Variants in ST6GAL2 observed in about 807,000 individuals in gnomAD.
ST6GAL2 encodes the protein ST6 beta-galactoside alpha-2,6-sialyltransferase 2, also known as beta-galactoside alpha-2,6-sialyltransferase 2.
In ST6GAL2, 24 loss-of-function variants were observed where a neutral mutation model predicts 37.5. That is an observed-to-expected ratio of 0.64 (90% CI 0.46 to 0.90). The LOEUF is 0.90. Among genes scored for constraint, ST6GAL2 ranks in the 40% least tolerant of loss-of-function variants. The pLI is 0.00. For synonymous variants in ST6GAL2, 306 were observed against 295.1 expected (o/e 1.04, Z -0.38); for missense variants, 715 against 712.7 (o/e 1.00, Z -0.04).
Position 106,834,220 on chromosome 2 carries a change from A to C in ST6GAL2, c.944-74T>G, listed in dbSNP as rs567720654. ...ATAATCTAGGAAAAAATGTTAAAGC[A>C]AATCTTTCAATACCTGAAGCTAATT... is the stretch of plus-strand genomic sequence containing the variant. On this transcript the variant is annotated intron_variant, in intron 2 of 5. Transcript: ENST00000409382. The C allele has an allele frequency of 2.5e-5, 25 of 1,018,920 alleles. No individual in the cohort carries two copies. In the African/African-American group the frequency reaches 2.7e-4, roughly 11 times the overall value. 63.1% of individuals were successfully genotyped at this position (1,018,920 alleles called of 1,614,324 possible). A position where few individuals can be genotyped will look rare whatever the true frequency, so the allele number is the denominator to read the frequency against.
At chr2:106,844,963 T>C (rs1489082159) in intron 1 of ST6GAL2, among the ~76,000 whole-genome samples, 1 of 152,074 alleles carries the variant, frequency 6.6e-6, no homozygotes, top group African/African-American at 2.4e-5. Flanking sequence ...TAATAAGAAA[T>C]GCTCCTAACT....
intron 2 of ST6GAL2, among the ~76,000 whole-genome samples, chr2:106,836,177 C>T (rs908241549): frequency 6.6e-6 from 1 of 152,128 alleles, no homozygotes; most frequent in Non-Finnish European, 1.5e-5. Flanking sequence ...AGAAGACTGG[C>T]ACCGTTTTTA....
At chr2:106,873,460 C>A (rs182082949) in intron 1 of ST6GAL2, among the ~76,000 whole-genome samples, 1 of 152,308 alleles carries the variant, frequency 6.6e-6, no homozygotes, top group Admixed American at 6.5e-5. Context: ...CGTTCTGGAA[C>A]GGCCTTATTA....
At chr2:106,869,238 A>AG (rs1259057909) in intron 1 of ST6GAL2, among the ~76,000 whole-genome samples, 3 of 152,120 alleles carry the variant, frequency 2.0e-5, no homozygotes, top group Admixed American at 6.5e-5. Flanking sequence ...TTTGGAGGGG[A>AG]GGGGCACCTT....
At chr2:106,861,678 G>A (rs1328486813) in intron 1 of ST6GAL2, among the ~76,000 whole-genome samples, 2 of 150,770 alleles carry the variant, frequency 1.3e-5, no homozygotes, top group African/African-American at 2.4e-5. Flanking sequence ...CACCCAGGCT[G>A]GAGTGCAGTG....
rs1328758086 is a variant in ST6GAL2 at position 106,801,732 on chromosome 2, C to T, written c.*4946G>A. ...GTACAAACACTTTTAAAATGCGACT[C>T]CTGGAAAACTTCAAGCTTTAATTAG... On this transcript the variant is annotated 3_prime_UTR_variant, in exon 6 of 6. Transcript: ENST00000409382. 1 of 152,180 alleles carries T rather than the reference C, an allele frequency of 6.6e-6. No individual in the cohort carries two copies. The highest frequency in any genetic ancestry group is 1.5e-5 in the Non-Finnish European group (1 of 68,038). 9.4% of individuals were successfully genotyped at this position (152,180 alleles called of 1,614,324 possible). A position where few individuals can be genotyped will look rare whatever the true frequency, so the allele number is the denominator to read the frequency against.
intron 5 of ST6GAL2, chr2:106,813,179 C>A: frequency 7.5e-7 from 1 of 1,330,836 alleles, no homozygotes; most frequent in South Asian, 2.0e-5. Context: ...GTCGCGTGAT[C>A]TCGGCTCACT....
In ST6GAL2 at chr2:106,831,324, G is replaced by C. The variant is rs114927055; in HGVS notation, c.1144-1084C>G. 4.0e-3 allele frequency among the ~76,000 whole-genome samples: 611 copies of C among 152,320 alleles called. 6 individuals carry two copies. Among genetic ancestry groups the C allele is most frequent in the African/African-American group, 0.014 (585 of 41,574 alleles). ...TTACAGAAAGCGGCCTTGTCACTGG[G>C]ATTTTAGCACTGCTGGGTGGCCAGC... is the stretch of plus-strand genomic sequence containing the variant. On this transcript the variant is annotated intron_variant, in intron 4 of 5. Coordinates refer to ENST00000409382, the MANE Select transcript of ST6GAL2 (RefSeq NM_001142351.2).
intron 1 of ST6GAL2, among the ~76,000 whole-genome samples, chr2:106,859,341 A>G (rs762086623): frequency 3.3e-5 from 5 of 152,182 alleles, no homozygotes; most frequent in Non-Finnish European, 7.3e-5. Flanking sequence ...ATGCATAGTT[A>G]TAATTGTGCT....
rs1012402259 is a variant in ST6GAL2 at position 106,832,581 on chromosome 2, G to A, written c.1127C>T (p.Ser376Phe). 5.7e-6 allele frequency: 9 copies of A among 1,585,408 alleles called. No homozygotes were observed. In the Middle Eastern group the frequency reaches 6.7e-4, roughly 119 times the overall value. Residue 376 changes from serine to phenylalanine, a missense_variant, in exon 4 of 6, where the codon TCC (serine) becomes TTC (phenylalanine). Physicochemically the swap from Ser to Phe is radical, Grantham distance 155 (BLOSUM62 -2). Transcript: ENST00000409382. ...ILVAWDPAPY[S>F]ANLNLWYKKP... Reference sequence around the variant, plus strand: ...AACACTTACCAGGTTAAGATTTGCGGAATATGGGGCAGGGTCCCAGGCCAC... The same window carrying A: ...AACACTTACCAGGTTAAGATTTGCGAAATATGGGGCAGGGTCCCAGGCCAC...
At chr2:106,877,715 T>A (rs1360448101) in intron 1 of ST6GAL2, among the ~76,000 whole-genome samples, 1 of 152,244 alleles carries the variant, frequency 6.6e-6, no homozygotes, top group Non-Finnish European at 1.5e-5. Flanking sequence ...CATTCATTAA[T>A]CCTTATTTTC....
At chr2:106,831,238 C>T (rs1676409187) in intron 4 of ST6GAL2, among the ~76,000 whole-genome samples, 1 of 152,210 alleles carries the variant, frequency 6.6e-6, no homozygotes, top group East Asian at 1.9e-4. Context: ...AATGTGGGGC[C>T]AGAGGGAGAG....
chr2:106,814,956 A>C (rs1675747709), intron 5 of ST6GAL2, among the ~76,000 whole-genome samples: 1 of 152,326 alleles, frequency 6.6e-6, no homozygotes, highest in Non-Finnish European at 1.5e-5. Context: ...TAAGGAAGCT[A>C]ATGAGATGGA....
chr2:106,885,228 C>T (rs570991872), intron 1 of ST6GAL2, among the ~76,000 whole-genome samples: 2 of 151,894 alleles, frequency 1.3e-5, no homozygotes, highest in South Asian at 4.2e-4. Flanking sequence ...ATGGTCAGAA[C>T]GGCAGTGGTG....
chr2:106,880,965 T>C (rs1403547210), intron 1 of ST6GAL2, among the ~76,000 whole-genome samples: 3 of 152,174 alleles, frequency 2.0e-5, no homozygotes, highest in Non-Finnish European at 2.9e-5. Context: ...ATTCCTCTTT[T>C]TCATATGAAA....
intron 1 of ST6GAL2, among the ~76,000 whole-genome samples, chr2:106,879,133 G>A (rs1678635805): frequency 6.6e-6 from 1 of 151,994 alleles, no homozygotes; most frequent in Non-Finnish European, 1.5e-5. Flanking sequence ...GTTCTACATC[G>A]AATACCGTGC....
In ST6GAL2 at chr2:106,843,800, C is replaced by A; in HGVS notation, c.178G>T (p.Ala60Ser). The change falls in exon 2 of 6, where the codon GCC (alanine) becomes TCC (serine). Residue 60 changes from alanine to serine, a missense_variant. Ala to Ser is a moderately conservative substitution (Grantham distance 99). Coordinates refer to ENST00000409382, the MANE Select transcript of ST6GAL2 (RefSeq NM_001142351.2). ...GGCTCATGTGCGGCGCCCATGATGG[C>A]CCGCTGCTTCCCCTGCACCGGCAGG... ...RLLPVQGKQR[A>S]IMGAAHEPSP... 37 of 1,610,992 alleles carry A rather than the reference C, an allele frequency of 2.3e-5. No homozygotes were observed. The highest frequency in any genetic ancestry group is 3.1e-5 in the Non-Finnish European group (36 of 1,178,548).
At chr2:106,856,794 G>C (rs1465973291) in intron 1 of ST6GAL2, among the ~76,000 whole-genome samples, 1 of 152,134 alleles carries the variant, frequency 6.6e-6, no homozygotes, top group Non-Finnish European at 1.5e-5. Flanking sequence ...TCACCTCCCA[G>C]TGTTGTTGAA....
At chr2:106,878,305 A>T (rs1357608999) in intron 1 of ST6GAL2, among the ~76,000 whole-genome samples, 2 of 151,594 alleles carry the variant, frequency 1.3e-5, no homozygotes, top group South Asian at 2.1e-4. Context: ...TCTCCAAAAA[A>T]TTTTAAAAAG....
Sources: allele counts gnomAD v4.1 joint callset (sites outside exome capture counted in the v4.1 genomes callset), GRCh38; gene constraint gnomAD v4.1.1; transcripts MANE v1.5; gene names NCBI Gene and HGNC (gene_info 2026-07-23, HGNC 2026-07-21).